Variants in HTR6 observed in about 807,000 individuals in gnomAD.
HTR6 encodes 5-hydroxytryptamine (serotonin) receptor 6, G protein-coupled.
In HTR6, 15 loss-of-function variants were observed where a neutral mutation model predicts 17.4. The observed-to-expected ratio is 0.86, with a 90% confidence interval of 0.58 to 1.33. The LOEUF (loss-of-function observed/expected upper bound fraction) is 1.33. Among genes scored for constraint, HTR6 ranks in the 40% most tolerant of loss-of-function variants. HTR6 has a pLI of 0.00. For missense variants in HTR6, 578 were observed against 616.0 expected, an observed-to-expected ratio of 0.94 and a Z score of 0.65; for synonymous variants, 326 against 295.5, an observed-to-expected ratio of 1.10 and a Z score of -1.06.
At chr1:19,667,746 ATAAG>A (rs939992497) in intron 1 of HTR6, among the ~76,000 whole-genome samples, 1 of 152,174 alleles carries the variant, frequency 6.6e-6, no homozygotes, top group Non-Finnish European at 1.5e-5. Flanking sequence ...TGCATTGTCT[ATAAG>A]TGAGTGCCTG....
In HTR6 at chr1:19,665,083, G is replaced by C. The variant is rs1439568017; in HGVS notation, c.-671G>C. 6.6e-6 allele frequency among the ~76,000 whole-genome samples: 1 copy of C among 151,616 alleles called. No individual in the cohort carries two copies. The highest frequency in any genetic ancestry group is 2.4e-5 in the African/African-American group (1 of 41,364). ...GGCGACCCTGCTGCCGGGTGGGGAG[G>C]GGGCGCCGCGCGGCCGCTGCCCTCC... is the stretch of plus-strand genomic sequence containing the variant. On this transcript the variant is annotated 5_prime_UTR_variant, in exon 1 of 3. Coordinates refer to ENST00000289753, the MANE Select transcript of HTR6 (RefSeq NM_000871.3). This position sits in a 1 kb window ranked among gnomAD's most constrained non-coding sequence, Gnocchi z 4.2.
Position 19,665,651 on chromosome 1 carries a change from G to C in HTR6, c.-103G>C. On this transcript the variant is annotated 5_prime_UTR_variant, in exon 1 of 3. Transcript: ENST00000289753. The surrounding 1 kb of genome is among the most constrained non-coding windows in gnomAD (Gnocchi z 4.2). ...TCCCCCGGGGGGCGTGGTGAGTCGC[G>C]GTCTGTTCTCACGGACGGTCCCCGT... is the stretch of plus-strand genomic sequence containing the variant. 2.6e-6 allele frequency: 2 copies of C among 777,818 alleles called. No homozygotes were observed. The highest frequency in any genetic ancestry group is 4.0e-6 in the Non-Finnish European group (2 of 499,510). The allele number at this position is 777,818 out of a possible 1,614,324, so 48.2% of individuals were successfully genotyped here.
In HTR6 at chr1:19,679,054, T is replaced by C. The variant is rs561896108; in HGVS notation, c.1009T>C (p.Cys337Arg). 6 of 1,614,086 alleles carry C rather than the reference T, an allele frequency of 3.7e-6. No individual in the cohort carries two copies. The highest frequency in any genetic ancestry group is 1.6e-4 in the Middle Eastern group (1 of 6,062). Residue 337 changes from cysteine (C) to arginine (R), a missense_variant, in exon 3 of 3, where the codon TGT becomes CGT. By Grantham distance (180) the Cys-to-Arg change is radical. Transcript: ENST00000289753. The surrounding 1 kb of genome is among the most constrained non-coding windows in gnomAD (Gnocchi z 4.9). ...GCGGGCGCTGGGCAGGTTCCTGCCATGTCCACGCTGTCCCCGGGAGCGCCA... is the reference window on the plus strand; with the variant it reads ...GCGGGCGCTGGGCAGGTTCCTGCCACGTCCACGCTGTCCCCGGGAGCGCCA... ...FKRALGRFLP[C>R]PRCPRERQAS...
At chr1:19,675,429 C>CA (rs1166284545) in intron 1 of HTR6, among the ~76,000 whole-genome samples, 1 of 152,006 alleles carries the variant, frequency 6.6e-6, no homozygotes, top group East Asian at 1.9e-4. Context: ...GGTAGAGTGT[C>CA]CTCTACCCTT....
In HTR6 at chr1:19,666,493, G is replaced by A. The variant is rs768753763; in HGVS notation, c.714+26G>A. ...GTACCTGGGGTGCGCAGGGAGACCCGGGCTGTGGGATAGAGAGGAATGAGC... is the reference window on the plus strand; with the variant it reads ...GTACCTGGGGTGCGCAGGGAGACCCAGGCTGTGGGATAGAGAGGAATGAGC... On this transcript the variant is annotated intron_variant, in intron 1 of 2. Coordinates refer to ENST00000289753, the MANE Select transcript of HTR6 (RefSeq NM_000871.3). The surrounding 1 kb of genome is among the most constrained non-coding windows in gnomAD (Gnocchi z 4.5). The A allele has an allele frequency of 3.9e-6, 6 of 1,543,574 alleles. No individual in the cohort carries two copies. Among genetic ancestry groups the A allele is most frequent in the Middle Eastern group, 1.9e-4 (1 of 5,378 alleles).
In HTR6 at chr1:19,679,119, C is replaced by T. The variant is rs199953996; in HGVS notation, c.1074C>T (p.Ser358=). 6.6e-5 allele frequency: 106 copies of T among 1,611,818 alleles called. No individual in the cohort carries two copies. The South Asian group carries it at 9.6e-4, about 15-fold the overall frequency. The change falls in exon 3 of 3, where the codon AGC becomes AGT. Residue 358 remains serine (S), a synonymous_variant. Transcript: ENST00000289753. The surrounding 1 kb of genome is among the most constrained non-coding windows in gnomAD (Gnocchi z 4.9). ...CGCCATCACTGCGCACCTCTCACAG[C>T]GGCCCCCGGCCCGGCCTTAGCCTAC... ...LASPSLRTSH[S]GPRPGLSLQQ...
intron 1 of HTR6, among the ~76,000 whole-genome samples, chr1:19,676,940 A>T (rs748110853): frequency 2.6e-5 from 4 of 152,248 alleles, no homozygotes; most frequent in Non-Finnish European, 5.9e-5. Context: ...GTAGCTCATG[A>T]TGAATTGTGC....
At chr1:19,668,447 A>G (rs2095084189) in intron 1 of HTR6, among the ~76,000 whole-genome samples, 1 of 152,022 alleles carries the variant, frequency 6.6e-6, no homozygotes, top group Non-Finnish European at 1.5e-5. Flanking sequence ...TTGGCCTCCC[A>G]AAGTGCTAGG....
rs2095101189 is a variant in HTR6, at chr1:19,680,692, G to A, written c.*1324G>A. Among the ~76,000 whole-genome samples the A allele has an allele frequency of 6.6e-6, 1 of 152,208 alleles. No individual in the cohort carries two copies. Among genetic ancestry groups the A allele is most frequent in the Admixed American group, 6.5e-5 (1 of 15,278 alleles). On this transcript the variant is annotated 3_prime_UTR_variant, in exon 3 of 3. Coordinates refer to ENST00000289753, the MANE Select transcript of HTR6 (RefSeq NM_000871.3). ...CCCACGAGGCAGGCAGGTGGACTCT[G>A]GCACAGGGGCCTTGGTTTCTGGGGG...
At chr1:19,668,360 A>C (rs1454392532) in intron 1 of HTR6, among the ~76,000 whole-genome samples, 1 of 152,146 alleles carries the variant, frequency 6.6e-6, no homozygotes, top group Non-Finnish European at 1.5e-5. Context: ...ATCATAGCTC[A>C]TTCCAGCCTG....
rs572194723 is a variant in HTR6 at position 19,665,777 on chromosome 1, C to T, written c.24C>T (p.Thr8=). 14 of 1,499,914 alleles carry T rather than the reference C, an allele frequency of 9.3e-6. No individual in the cohort carries two copies. Among genetic ancestry groups the T allele is most frequent in the African/African-American group, 1.5e-5 (1 of 68,398 alleles). 92.9% of individuals were successfully genotyped at this position (1,499,914 alleles called of 1,614,324 possible). The change falls in exon 1 of 3, where the codon ACC becomes ACT. Residue 8 remains threonine, a synonymous_variant. Transcript: ENST00000289753. The surrounding 1 kb of genome is among the most constrained non-coding windows in gnomAD (Gnocchi z 4.2). The part of the protein sequence containing the change: MVPEPGP[T]ANSTPAWGAG... The stretch of plus-strand genomic sequence containing the variant: ...TCATGGTCCCAGAGCCGGGCCCAAC[C>T]GCCAATAGCACCCCGGCCTGGGGGG...
intron 1 of HTR6, among the ~76,000 whole-genome samples, chr1:19,672,247 A>G (rs1204747894): frequency 6.6e-6 from 1 of 150,428 alleles, no homozygotes; most frequent in Non-Finnish European, 1.5e-5. Context: ...TTCAGTTCCC[A>G]TGTCTTCCTT....
chr1:19,668,466 C>A (rs1232702495), intron 1 of HTR6, among the ~76,000 whole-genome samples: 3 of 152,132 alleles, frequency 2.0e-5, no homozygotes, highest in African/African-American at 4.8e-5. Flanking sequence ...GGGTTACAGG[C>A]TTCCCTGGGT....
intron 1 of HTR6, among the ~76,000 whole-genome samples, chr1:19,671,484 G>GTT (rs2095087881): frequency 6.6e-6 from 1 of 152,170 alleles, no homozygotes; most frequent in Non-Finnish European, 1.5e-5. Context: ...CTGCACTTTG[G>GTT]GAAAATGCAT....
rs887465213 is a variant in HTR6, at chr1:19,679,714, G to A, written c.*346G>A. On this transcript the variant is annotated 3_prime_UTR_variant, in exon 3 of 3. Transcript: ENST00000289753. This position sits in a 1 kb window ranked among gnomAD's most constrained non-coding sequence, Gnocchi z 4.9. ...TTGCCCATTCTGTCAGGCTGGACGG[G>A]AGGGAATGCCCCCACCTGCAGGCAT... 2.0e-5 allele frequency among the ~76,000 whole-genome samples: 3 copies of A among 152,210 alleles called. No homozygotes were observed. Among genetic ancestry groups the A allele is most frequent in the African/African-American group, 4.8e-5 (2 of 41,450 alleles).
intron 1 of HTR6, among the ~76,000 whole-genome samples, chr1:19,667,226 C>T (rs937840420): frequency 4.6e-5 from 7 of 152,080 alleles, no homozygotes; most frequent in Non-Finnish European, 1.0e-4. Flanking sequence ...ATGTTCTTCC[C>T]CCGGCTGCCT....
rs1308122573 is a variant in HTR6, at chr1:19,666,524, C to A, written c.714+57C>A. The A allele has an allele frequency of 3.0e-6, 4 of 1,332,976 alleles. No individual in the cohort carries two copies. In the East Asian group the frequency reaches 7.4e-5, roughly 25 times the overall value. The allele number at this position is 1,332,976 out of a possible 1,614,324, so 82.6% of individuals were successfully genotyped here. On this transcript the variant is annotated intron_variant, in intron 1 of 2. Coordinates refer to ENST00000289753, the MANE Select transcript of HTR6 (RefSeq NM_000871.3). The surrounding 1 kb of genome is among the most constrained non-coding windows in gnomAD (Gnocchi z 4.5). ...TGGGATAGAGAGGAATGAGCAGCCC[C>A]TGGGGACCCCCTGGGCATCCCCACT...
At position 19,666,966 on chromosome 1, in the gene HTR6, G is replaced by A. The variant is rs1222926432; in HGVS notation, c.714+499G>A. 6.6e-6 allele frequency among the ~76,000 whole-genome samples: 1 copy of A among 152,032 alleles called. No homozygotes were observed. The highest frequency in any genetic ancestry group is 1.5e-5 in the Non-Finnish European group (1 of 68,008). ...CTCCATCTTCTGCATAGAAGCTGGA[G>A]CACTTAAAAAAGAAGTGATCATGTC... On this transcript the variant is annotated intron_variant, in intron 1 of 2. Coordinates refer to ENST00000289753, the MANE Select transcript of HTR6 (RefSeq NM_000871.3). The surrounding 1 kb of genome is among the most constrained non-coding windows in gnomAD (Gnocchi z 4.5).
chr1:19,678,940 C>T lies in HTR6; in HGVS notation c.895C>T (p.Pro299Ser), dbSNP rs371960724. ...CCAGGCCGTGTGCGACTGCATCTCCCCAGGCCTCTTCGATGTCCTCACATG... is the reference window on the plus strand; with the variant it reads ...CCAGGCCGTGTGCGACTGCATCTCCTCAGGCCTCTTCGATGTCCTCACATG... Reference protein sequence around the residue: ...IVQAVCDCISPGLFDVLTWLG... With the variant: ...IVQAVCDCISSGLFDVLTWLG... The change falls in exon 3 of 3, where the codon CCA (proline) becomes TCA (serine). Residue 299 changes from proline (P) to serine (S), a missense_variant. Pro to Ser is a moderately conservative substitution (Grantham distance 74). Coordinates refer to ENST00000289753, the MANE Select transcript of HTR6 (RefSeq NM_000871.3). The T allele has an allele frequency of 1.2e-6, 2 of 1,611,988 alleles. No individual in the cohort carries two copies. The highest frequency in any genetic ancestry group is 1.7e-6 in the Non-Finnish European group (2 of 1,178,560).
Sources: gnomAD v4.1 joint callset for allele counts (sites outside exome capture counted in the v4.1 genomes callset) on GRCh38, gnomAD v4.1.1 for gene constraint, Gnocchi (gnomAD v3.1) non-coding constraint, MANE v1.5 for transcripts, NCBI Gene and HGNC (gene_info 2026-07-23, HGNC 2026-07-21) for gene names.